The following DCC variants were observed in gnomAD, a reference collection of about 807,000 sequenced individuals.
The protein encoded by DCC is DCC netrin 1 receptor, also known as netrin receptor DCC.
Under a neutral mutation model 172.5 loss-of-function variants are expected in DCC, and 58 were observed. That is an observed-to-expected ratio of 0.34 (90% CI 0.27 to 0.42). DCC has a LOEUF of 0.42. DCC is among the 10% of genes least tolerant of loss of function. DCC has a pLI of 1.00. For missense variants in DCC, 1,740 were observed against 1,791.0 expected (o/e 0.97, Z 0.51); for synonymous variants, 709 against 644.5 (o/e 1.10, Z -1.52).
intron 13 of DCC, among the ~76,000 whole-genome samples, chr18:53,314,037 C>T (rs1183579832): frequency 6.6e-6 from 1 of 152,166 alleles, no homozygotes. Flanking sequence ...ATCACTTTTA[C>T]AGGCAATTTT....
chr18:52,459,171 G>A (rs559118645), intron 1 of DCC, among the ~76,000 whole-genome samples: 7 of 151,880 alleles, frequency 4.6e-5, no homozygotes, highest in Non-Finnish European at 7.4e-5. Context: ...ATACTAGATC[G>A]TTGTCATTTC....
chr18:53,128,314 T>C (rs2043595454), intron 7 of DCC, among the ~76,000 whole-genome samples: 1 of 152,124 alleles, frequency 6.6e-6, no homozygotes, highest in South Asian at 2.1e-4. Flanking sequence ...CTAAAAATAA[T>C]GTGGCTAGTC....
chr18:53,264,494 A>AAAG (rs1410698994), intron 12 of DCC, among the ~76,000 whole-genome samples: 15 of 151,356 alleles, frequency 9.9e-5, no homozygotes, highest in South Asian at 2.1e-4. Context: ...AAAAAAAAAA[A>AAAG]AAGAAGAAGA....
At chr18:53,429,942 T>G (rs777015799) in intron 21 of DCC, among the ~76,000 whole-genome samples, 7 of 152,130 alleles carry the variant, frequency 4.6e-5, no homozygotes, top group Non-Finnish European at 7.4e-5. Context: ...TGATTTTGCT[T>G]TCTGGTTTTT....
intron 1 of DCC, among the ~76,000 whole-genome samples, chr18:52,738,886 C>T (rs899086546): frequency 1.5e-5 from 2 of 135,138 alleles, no homozygotes; most frequent in African/African-American, 5.5e-5. Flanking sequence ...TGCACACTAC[C>T]ACATCTGGCT....
chr18:53,157,361 C>G lies in DCC; in HGVS notation c.1267C>G (p.Pro423Ala), dbSNP rs1250834737. ...CTCCTCTTCTTTCTCCTTAGCTATC[C>G]CAAGCTCCAGTGTCCTCCCTTCGGC... is the stretch of plus-strand genomic sequence containing the variant. ...AQLIVPKPAI[P>A]SSSVLPSAPR... Residue 423 changes from proline (P) to alanine (A), a missense_variant, in exon 8 of 29, where the codon CCA becomes GCA. Coordinates refer to ENST00000442544, the MANE Select transcript of DCC (RefSeq NM_005215.4). The G allele has an allele frequency of 6.2e-7, 1 of 1,613,862 alleles. No homozygotes were observed. The highest frequency in any genetic ancestry group is 1.3e-5 in the African/African-American group (1 of 74,862).
chr18:53,517,443 T>TATAATA (rs71179517), intron 27 of DCC, among the ~76,000 whole-genome samples: 5,921 of 142,428 alleles, frequency 0.042, 180 homozygotes, highest in East Asian at 0.089. Flanking sequence ...AAACTTAAAA[T>TATAATA]ATAATAATAA....
At chr18:52,589,045 A>G (rs934083672) in intron 1 of DCC, among the ~76,000 whole-genome samples, 7 of 152,210 alleles carry the variant, frequency 4.6e-5, no homozygotes, top group Non-Finnish European at 8.8e-5. Context: ...GTGCATGCCC[A>G]TAGAAGGAAC....
chr18:52,795,902 T>G (rs1035322573), intron 2 of DCC, among the ~76,000 whole-genome samples: 2 of 151,542 alleles, frequency 1.3e-5, no homozygotes, highest in African/African-American at 4.8e-5. Flanking sequence ...TTTTCAATAT[T>G]CTTTCTATTA....
chr18:53,327,791 T>C (rs2057483840), intron 14 of DCC, among the ~76,000 whole-genome samples: 1 of 152,226 alleles, frequency 6.6e-6, no homozygotes, highest in Non-Finnish European at 1.5e-5. Flanking sequence ...TTGATGCTCA[T>C]ATGGGATTTG....
chr18:52,773,660 A>C (rs1270344246), intron 2 of DCC, among the ~76,000 whole-genome samples: 1 of 151,988 alleles, frequency 6.6e-6, no homozygotes, highest in Non-Finnish European at 1.5e-5. Context: ...CTGAGTAGCT[A>C]GGATTACAGG....
chr18:52,763,690 T>C (rs1042905723), intron 2 of DCC, among the ~76,000 whole-genome samples: 8 of 152,344 alleles, frequency 5.3e-5, no homozygotes, highest in South Asian at 4.1e-4. Context: ...AGAATATTCA[T>C]AAAATCGTGC....
At position 52,952,118 on chromosome 18, in the gene DCC, C is replaced by G. The variant is rs567598703; in HGVS notation, c.985+26748C>G. Among the ~76,000 whole-genome samples, 12 of 151,974 alleles carry G rather than the reference C, an allele frequency of 7.9e-5. 1 individual carries two copies. Among genetic ancestry groups the G allele is most frequent in the Admixed American group, 2.0e-4 (3 of 15,244 alleles). On this transcript the variant is annotated intron_variant, in intron 5 of 28. Coordinates refer to ENST00000442544, the MANE Select transcript of DCC (RefSeq NM_005215.4). ...TTCTTCTCTAACCTGACACACTGTT[C>G]ATAAAATGTGATCTTTCATATTCCA... is the stretch of plus-strand genomic sequence containing the variant.
At chr18:52,436,456 A>G (rs1374127883) in intron 1 of DCC, among the ~76,000 whole-genome samples, 1 of 152,240 alleles carries the variant, frequency 6.6e-6, no homozygotes. Flanking sequence ...GCTTTGTGGC[A>G]TTAGCATCAC....
At chr18:53,177,957 T>C (rs761424440) in intron 8 of DCC, among the ~76,000 whole-genome samples, 7 of 152,202 alleles carry the variant, frequency 4.6e-5, no homozygotes, top group Non-Finnish European at 1.0e-4. Flanking sequence ...AAAAAGATAT[T>C]TTATTTTAAA....
At chr18:52,992,140 G>T (rs1223226184) in intron 5 of DCC, among the ~76,000 whole-genome samples, 1 of 152,202 alleles carries the variant, frequency 6.6e-6, no homozygotes, top group East Asian at 1.9e-4. Context: ...TGCGAATGGT[G>T]GAAGCATGAC....
At chr18:52,915,960 T>C (rs538661317) in intron 3 of DCC, among the ~76,000 whole-genome samples, 2 of 152,186 alleles carry the variant, frequency 1.3e-5, no homozygotes, top group East Asian at 3.9e-4. Context: ...TTTCAGGGGA[T>C]CTGCGAGGTC....
At chr18:52,365,557 G>A (rs995010301) in intron 1 of DCC, among the ~76,000 whole-genome samples, 5 of 152,052 alleles carry the variant, frequency 3.3e-5, no homozygotes, top group African/African-American at 1.2e-4. Flanking sequence ...CGAGGGGAGA[G>A]TATGGCAGTG....
At chr18:52,707,163 T>C (rs1272866533) in intron 1 of DCC, among the ~76,000 whole-genome samples, 1 of 152,232 alleles carries the variant, frequency 6.6e-6, no homozygotes, top group Non-Finnish European at 1.5e-5. Flanking sequence ...CAGTAATTAC[T>C]AACTTCACCC....
Sources: gnomAD v4.1 joint callset for allele counts (sites outside exome capture counted in the v4.1 genomes callset) on GRCh38, gnomAD v4.1.1 for gene constraint, MANE v1.5 for transcripts, NCBI Gene and HGNC (gene_info 2026-07-23, HGNC 2026-07-21) for gene names.